The following MAN2A1 variants were observed in gnomAD, a reference collection of about 807,000 sequenced individuals.
The protein encoded by MAN2A1 is mannosidase alpha class 2A member 1.
A neutral mutation model predicts 142.6 loss-of-function variants in MAN2A1; 76 were observed. The observed-to-expected ratio is 0.53, with a 90% CI of 0.44 to 0.65. The LOEUF (loss-of-function observed/expected upper bound fraction) is 0.65. Ranked by LOEUF, MAN2A1 falls within the 30% of genes least tolerant of loss-of-function variation. The pLI is 0.00. For synonymous variants in MAN2A1, 559 were observed against 473.2 expected, an observed-to-expected ratio of 1.18 and a Z score of -2.35; for missense variants, 1,311 against 1,365.1, an observed-to-expected ratio of 0.96 and a Z score of 0.62.
intron 1 of MAN2A1, among the ~76,000 whole-genome samples, chr5:109,700,135 C>T (rs1417257720): frequency 6.6e-6 from 1 of 152,100 alleles, no homozygotes; most frequent in Non-Finnish European, 1.5e-5. Flanking sequence ...TAATTCCTTT[C>T]CCTTTTTGTT....
intron 12 of MAN2A1, among the ~76,000 whole-genome samples, chr5:109,791,772 T>C (rs1398370324): frequency 2.0e-5 from 3 of 152,032 alleles, no homozygotes; most frequent in Non-Finnish European, 4.4e-5. Flanking sequence ...TGTGGGTGAT[T>C]AGTAAATGTC....
At chr5:109,789,427 G>A in intron 11 of MAN2A1, 33 bp from the exon 12 acceptor site, 1 of 1,348,668 alleles carries the variant, frequency 7.4e-7, no homozygotes, top group Admixed American at 2.0e-5. Flanking sequence ...GGAGTGTTAA[G>A]TAAAATTAAA....
At chr5:109,854,922 T>C (rs1755568034) in intron 19 of MAN2A1, 2 of 376,380 alleles carry the variant, frequency 5.3e-6, no homozygotes, top group Non-Finnish European at 9.3e-6. Flanking sequence ...GGAAGATATA[T>C]TTTAAACATA....
chr5:109,840,784 A>G (rs774149781), intron 16 of MAN2A1: 4 of 283,692 alleles, frequency 1.4e-5, no homozygotes, highest in African/African-American at 9.2e-5. Context: ...TACTGGGAAC[A>G]CTGGGAACCT....
chr5:109,751,132 A>G (rs1325804706), intron 4 of MAN2A1, among the ~76,000 whole-genome samples: 1 of 151,682 alleles, frequency 6.6e-6, no homozygotes, highest in South Asian at 2.1e-4. Context: ...CCTCTTCCCA[A>G]TCGCTACCCT....
chr5:109,698,473 C>A (rs576294169), intron 1 of MAN2A1, among the ~76,000 whole-genome samples: 1 of 152,098 alleles, frequency 6.6e-6, no homozygotes, highest in African/African-American at 2.4e-5. Context: ...ATACTGAGTC[C>A]GAACAAAATG....
intron 1 of MAN2A1, among the ~76,000 whole-genome samples, chr5:109,696,226 G>A (rs983588787): frequency 3.3e-5 from 5 of 151,938 alleles, no homozygotes; most frequent in Admixed American, 6.5e-5. Flanking sequence ...TCAGCCTCCC[G>A]AGTAGCTGGG....
chr5:109,823,779 G>T lies in MAN2A1; in HGVS notation c.2508G>T (p.Ser836=), dbSNP rs373265788. The part of the protein sequence containing the change: ...FVRVTHGRIY[S]EVTCFFDHVT... ...GAGTGACACATGGAAGGATTTATTC[G>T]GAAGTGACTTGCTTTTTTGACCATG... is the stretch of plus-strand genomic sequence containing the variant. Residue 836 remains serine (S), a synonymous_variant, in exon 16 of 22, where the codon TCG becomes TCT. Transcript: ENST00000261483. The T allele has an allele frequency of 1.2e-6, 2 of 1,608,672 alleles. No homozygotes were observed. Among genetic ancestry groups the T allele is most frequent in the South Asian group, 1.1e-5 (1 of 89,806 alleles).
At chr5:109,816,414 C>G (rs1348061003) in intron 12 of MAN2A1, among the ~76,000 whole-genome samples, 1 of 152,108 alleles carries the variant, frequency 6.6e-6, no homozygotes, top group Non-Finnish European at 1.5e-5. Context: ...TTTGCATTTT[C>G]CTTTTTCTAC....
In MAN2A1 at chr5:109,770,652, T is replaced by A. The variant is rs1312688661; in HGVS notation, c.1196+111T>A. On this transcript the variant is annotated intron_variant, in intron 7 of 21. Transcript: ENST00000261483. Reference sequence around the variant, plus strand: ...TTTATTAGCCAACATTATCCTTGTTTGAAGTATTCATTCAAACCAGATCTA... The same window carrying A: ...TTTATTAGCCAACATTATCCTTGTTAGAAGTATTCATTCAAACCAGATCTA... 15 of 962,768 alleles carry A rather than the reference T, an allele frequency of 1.6e-5. No individual in the cohort carries two copies. The African/African-American group carries it at 2.1e-4, about 14-fold the overall frequency. 59.6% of individuals were successfully genotyped at this position (962,768 alleles called of 1,614,324 possible). A position where few individuals can be genotyped will look rare whatever the true frequency, so the allele number is the denominator to read the frequency against.
chr5:109,855,160 C>T lies in MAN2A1; in HGVS notation c.2997C>T (p.Val999=), dbSNP rs753645026. 2 of 1,551,974 alleles carry T rather than the reference C, an allele frequency of 1.3e-6. No individual in the cohort carries two copies. The highest frequency in any genetic ancestry group is 1.7e-6 in the Non-Finnish European group (2 of 1,156,846). The change falls in exon 20 of 22, where the codon GTC becomes GTT. Residue 999 remains valine (V), a synonymous_variant. Coordinates refer to ENST00000261483, the MANE Select transcript of MAN2A1 (RefSeq NM_002372.4). ...AVNTEEEKKS[V]SYPSLLSHIT... ...GATAGGAAGAAGAAAAGAAGTCGGT[C>T]AGTTATCCTTCTCTCCTTAGCCACA...
At chr5:109,713,806 C>CTTTTTTTT (rs56350644) in intron 2 of MAN2A1, 32 bp downstream of exon 2, 1 of 1,155,410 alleles carries the variant, frequency 8.7e-7, no homozygotes. Context: ...AATCACTGGC[C>CTTTTTTTT]TTTTTTTTTT....
Position 109,690,251 on chromosome 5 carries a change from G to A in MAN2A1, c.-167G>A. 3.0e-6 allele frequency: 2 copies of A among 670,992 alleles called. No individual in the cohort carries two copies. 41.6% of individuals were successfully genotyped at this position (670,992 alleles called of 1,614,324 possible). ...GCGAAGGCCAAGGGCGTGTGGTGGCGCCGGAGACTAGGTGCGGAGCAAGGC... is the reference window on the plus strand; with the variant it reads ...GCGAAGGCCAAGGGCGTGTGGTGGCACCGGAGACTAGGTGCGGAGCAAGGC... On this transcript the variant is annotated 5_prime_UTR_variant, in exon 1 of 22. Coordinates refer to ENST00000261483, the MANE Select transcript of MAN2A1 (RefSeq NM_002372.4).
chr5:109,721,469 GTGTT>G (rs1006608517), intron 3 of MAN2A1, among the ~76,000 whole-genome samples: 15 of 152,114 alleles, frequency 9.9e-5, no homozygotes, highest in African/African-American at 3.6e-4. Context: ...TTGTGTGTGT[GTGTT>G]TGTGTGTCCC....
intron 20 of MAN2A1, chr5:109,863,158 C>T (rs1399240148): frequency 6.6e-6 from 1 of 152,212 alleles, no homozygotes; most frequent in African/African-American, 2.4e-5. Flanking sequence ...GTGATATGTG[C>T]TTTTAAAAGA....
At chr5:109,758,743 A>AAT (rs1752759425) in intron 5 of MAN2A1, among the ~76,000 whole-genome samples, 2 of 149,762 alleles carry the variant, frequency 1.3e-5, no homozygotes, top group African/African-American at 4.9e-5. Flanking sequence ...TATTAACTAA[A>AAT]ATATTAATTT....
chr5:109,755,256 T>A (rs978933537), intron 4 of MAN2A1, 73 bp from the exon 5 acceptor site: 6 of 1,177,728 alleles, frequency 5.1e-6, no homozygotes, highest in Non-Finnish European at 7.5e-6. Context: ...TCTTAATGTT[T>A]ATGCTTGTTT....
intron 5 of MAN2A1, among the ~76,000 whole-genome samples, chr5:109,760,974 T>A (rs1316639233): frequency 6.6e-6 from 1 of 151,974 alleles, no homozygotes; most frequent in African/African-American, 2.4e-5. Context: ...GTCACATATA[T>A]GCTATATGAA....
At chr5:109,753,292 A>G (rs1460998172) in intron 4 of MAN2A1, among the ~76,000 whole-genome samples, 3 of 152,252 alleles carry the variant, frequency 2.0e-5, no homozygotes. Context: ...ATCACCAGAA[A>G]GATAAGAAAA....
Sources: gnomAD v4.1 joint callset for allele counts (sites outside exome capture counted in the v4.1 genomes callset) on GRCh38, gnomAD v4.1.1 for gene constraint, MANE v1.5 for transcripts, NCBI Gene and HGNC (gene_info 2026-07-23, HGNC 2026-07-21) for gene names.